The following GABRB3 variants were observed in gnomAD, a reference collection of about 807,000 sequenced individuals.
The protein encoded by GABRB3 is gamma-aminobutyric acid receptor subunit beta-3.
Under a neutral mutation model 52.1 loss-of-function variants are expected in GABRB3, and 14 were observed. That is an observed-to-expected ratio of 0.27 (90% CI 0.18 to 0.42). The LOEUF is 0.42. Among genes scored for constraint, GABRB3 ranks in the 10% least tolerant of loss-of-function variants. GABRB3 has a pLI of 1.00. For missense variants in GABRB3, 307 were observed against 609.1 expected (o/e 0.50, Z 5.22); for synonymous variants, 260 against 232.3 (o/e 1.12, Z -1.08).
At chr15:26,655,987 C>A (rs1382552377) in intron 3 of GABRB3, among the ~76,000 whole-genome samples, 2 of 152,224 alleles carry the variant, frequency 1.3e-5, no homozygotes, top group East Asian at 1.9e-4. Context: ...GGTTATTAAA[C>A]CTCTGACTAA....
In GABRB3 at chr15:26,772,770, A is replaced by G. The variant is rs777797308; in HGVS notation, c.83T>C (p.Val28Ala). 1.3e-6 allele frequency: 2 copies of G among 1,545,018 alleles called. No individual in the cohort carries two copies. Among genetic ancestry groups the G allele is most frequent in the East Asian group, 2.6e-5 (1 of 37,750 alleles). Residue 28 changes from valine to alanine, a missense_variant and splice_region_variant, in exon 2 of 9, where the codon GTG becomes GCG. Physicochemically the swap from Val to Ala is moderately conservative, Grantham distance 64. Transcript: ENST00000311550. ...LVAVVCCAQS[V>A]NDPGNMSFVK... ...AAAGGACATGTTCCCGGGATCGTTCACACTGGGGGAGGGACGGGGAGCACA... is the reference window on the plus strand; with the variant it reads ...AAAGGACATGTTCCCGGGATCGTTCGCACTGGGGGAGGGACGGGGAGCACA...
intron 3 of GABRB3, among the ~76,000 whole-genome samples, chr15:26,677,010 T>C (rs1485141729): frequency 6.6e-6 from 1 of 152,214 alleles, no homozygotes; most frequent in Non-Finnish European, 1.5e-5. Context: ...GTATGACAGG[T>C]CTGGGACCTG....
intron 3 of GABRB3, among the ~76,000 whole-genome samples, chr15:26,770,246 C>A (rs1891109743): frequency 3.3e-5 from 5 of 152,170 alleles, no homozygotes; most frequent in African/African-American, 9.7e-5. Context: ...AGTCTCCAAT[C>A]CTACTGGGAT....
At chr15:26,642,187 C>T (rs1468653665) in intron 3 of GABRB3, among the ~76,000 whole-genome samples, 1 of 152,202 alleles carries the variant, frequency 6.6e-6, no homozygotes, top group Admixed American at 6.5e-5. Context: ...GCCACCAAGC[C>T]TTCCCCCCAG....
intron 3 of GABRB3, among the ~76,000 whole-genome samples, chr15:26,701,746 T>A (rs1218851565): frequency 1.1e-4 from 16 of 152,300 alleles, no homozygotes; most frequent in Middle Eastern, 3.4e-3. Context: ...AAAATTCACA[T>A]GCAAATTCAA....
intron 3 of GABRB3, among the ~76,000 whole-genome samples, chr15:26,682,749 G>C (rs929137092): frequency 1.3e-5 from 2 of 152,194 alleles, no homozygotes; most frequent in African/African-American, 4.8e-5. Flanking sequence ...TAGACAATGA[G>C]GTGGGAGGAC....
At chr15:26,755,004 A>AGT (rs1247489647) in intron 3 of GABRB3, among the ~76,000 whole-genome samples, 1 of 75,018 alleles carries the variant, frequency 1.3e-5, no homozygotes, top group Non-Finnish European at 2.6e-5. Context: ...GCCTCTAACA[A>AGT]CTTTTTTTTT....
intron 3 of GABRB3, among the ~76,000 whole-genome samples, chr15:26,735,333 T>C (rs2140154730): frequency 6.6e-6 from 1 of 152,310 alleles, no homozygotes; most frequent in South Asian, 2.1e-4. Context: ...CAGTGTGGCC[T>C]TTATAAAGAA....
At chr15:26,663,060 C>T (rs367842401) in intron 3 of GABRB3, among the ~76,000 whole-genome samples, 2 of 151,912 alleles carry the variant, frequency 1.3e-5, no homozygotes, top group African/African-American at 2.4e-5. Flanking sequence ...TAGATGTAAA[C>T]GTGTGTGTGT....
intron 4 of GABRB3, among the ~76,000 whole-genome samples, chr15:26,591,619 T>C (rs934157958): frequency 2.0e-5 from 3 of 152,038 alleles, no homozygotes; most frequent in Non-Finnish European, 4.4e-5. Context: ...GCCCAGAGGG[T>C]GGAATGAGAA....
chr15:26,558,396 G>A (rs2052991), intron 8 of GABRB3, among the ~76,000 whole-genome samples: 37,688 of 152,062 alleles, frequency 0.25, 5,546 homozygotes, highest in East Asian at 0.72. Flanking sequence ...AGTCCTCCAA[G>A]GAGCTACTGT....
chr15:26,741,012 C>T (rs1890191142), intron 3 of GABRB3, among the ~76,000 whole-genome samples: 1 of 150,832 alleles, frequency 6.6e-6, no homozygotes, highest in Non-Finnish European at 1.5e-5. Flanking sequence ...ATTTCCTCAC[C>T]TGTAGAATGG....
At chr15:26,567,852 C>T in intron 6 of GABRB3, 119 bp from the exon 7 acceptor site, 2 of 946,300 alleles carry the variant, frequency 2.1e-6, no homozygotes, top group Non-Finnish European at 3.4e-6. Context: ...AAGGGGTGAC[C>T]CACCACCAAG....
chr15:26,576,427 T>C (rs1890595139), intron 6 of GABRB3, among the ~76,000 whole-genome samples: 1 of 152,114 alleles, frequency 6.6e-6, no homozygotes, highest in Non-Finnish European at 1.5e-5. Context: ...GCAAATTAAA[T>C]AAGAATTACA....
chr15:26,624,663 T>G, intron 3 of GABRB3: 1 of 985,428 alleles, frequency 1.0e-6, no homozygotes, highest in Admixed American at 6.1e-5. Flanking sequence ...AAAAACAGTA[T>G]GAAAATCCAA....
At chr15:26,571,913 T>A (rs181920905) in intron 6 of GABRB3, among the ~76,000 whole-genome samples, 1 of 152,074 alleles carries the variant, frequency 6.6e-6, no homozygotes, top group East Asian at 1.9e-4. Flanking sequence ...CCAGGCGTGG[T>A]GGCGGGTGCC....
intron 4 of GABRB3, among the ~76,000 whole-genome samples, chr15:26,586,325 T>G (rs1173262450): frequency 6.6e-6 from 1 of 151,732 alleles, no homozygotes; most frequent in Admixed American, 6.6e-5. Context: ...TGGTACCTAT[T>G]CACTTGAACT....
intron 3 of GABRB3, among the ~76,000 whole-genome samples, chr15:26,760,084 C>G (rs34221443): frequency 0.26 from 39,939 of 152,082 alleles, 5,469 homozygotes; most frequent in African/African-American, 0.28. Context: ...CAAAGGGAAC[C>G]TGAAGAAAGA....
At chr15:26,686,807 T>A (rs892327631) in intron 3 of GABRB3, among the ~76,000 whole-genome samples, 2 of 152,250 alleles carry the variant, frequency 1.3e-5, no homozygotes, top group African/African-American at 2.4e-5. Context: ...TCGCTGTGAA[T>A]GGCCAACTTG....
Sources: allele counts gnomAD v4.1 joint callset (sites outside exome capture counted in the v4.1 genomes callset), GRCh38; gene constraint gnomAD v4.1.1; transcripts MANE v1.5; gene names NCBI Gene and HGNC (gene_info 2026-07-23, HGNC 2026-07-21).